Variants in PHACTR1 observed in about 807,000 individuals in gnomAD.
PHACTR1 encodes phosphatase and actin regulator 1.
Under a neutral mutation model 69.2 loss-of-function variants are expected in PHACTR1, and 16 were observed. The ratio of observed to expected loss-of-function variants is 0.23; its 90% CI spans 0.16 to 0.35. PHACTR1 has a LOEUF of 0.35. Ranked by LOEUF, PHACTR1 falls within the 10% of genes least tolerant of loss-of-function variation. PHACTR1 has a pLI of 1.00. For missense variants in PHACTR1, 510 were observed against 734.7 expected, an observed-to-expected ratio of 0.69 and a Z score of 3.54; for synonymous variants, 312 against 284.5, an observed-to-expected ratio of 1.10 and a Z score of -0.97.
At chr6:12,860,522 T>A (rs943521296) in intron 4 of PHACTR1, among the ~76,000 whole-genome samples, 4 of 152,196 alleles carry the variant, frequency 2.6e-5, no homozygotes, top group African/African-American at 9.6e-5. Context: ...AGTAATGGAA[T>A]TGCTGGGTCA....
At chr6:12,788,074 C>T (rs1286787076) in intron 4 of PHACTR1, among the ~76,000 whole-genome samples, 1 of 151,770 alleles carries the variant, frequency 6.6e-6, no homozygotes, top group African/African-American at 2.4e-5. Context: ...AGGAGGATAG[C>T]GTGAGTCTGG....
intron 6 of PHACTR1, among the ~76,000 whole-genome samples, chr6:13,172,740 C>T (rs1328031628): frequency 3.3e-5 from 5 of 152,128 alleles, no homozygotes; most frequent in African/African-American, 9.7e-5. Flanking sequence ...GAACAATAAC[C>T]ACAATAACAA....
In PHACTR1 at chr6:12,858,827, CCA is replaced by C. The variant is rs970125224; in HGVS notation, c.250+109054_250+109055del. Among the ~76,000 whole-genome samples the C allele has an allele frequency of 1.4e-4, 19 of 140,708 alleles. No homozygotes were observed. In the South Asian group the frequency reaches 1.4e-3, roughly 11 times the overall value. The allele number at this position is 140,708 out of a possible 152,430, so 92.3% of individuals were successfully genotyped here. On this transcript the variant is annotated intron_variant, in intron 4 of 14. Transcript: ENST00000332995. ...ATACATACACACACACACACACACA[CCA>C]CACACACACACACACAAAGTGCAGC...
intron 8 of PHACTR1, among the ~76,000 whole-genome samples, chr6:13,208,254 A>G (rs1346752618): frequency 6.6e-6 from 1 of 152,206 alleles, no homozygotes; most frequent in Non-Finnish European, 1.5e-5. Context: ...CCACCTTCTC[A>G]AAGGGTGGCC....
intron 4 of PHACTR1, among the ~76,000 whole-genome samples, chr6:12,878,320 A>G (rs1373715231): frequency 6.6e-6 from 1 of 152,206 alleles, no homozygotes; most frequent in Non-Finnish European, 1.5e-5. Flanking sequence ...ATAAGCTGCT[A>G]TGGATTTGAT....
In PHACTR1 at chr6:12,891,611, C is replaced by G. The variant is rs376868862; in HGVS notation, c.250+141821C>G. Among the ~76,000 whole-genome samples the G allele has an allele frequency of 2.1e-4, 32 of 152,204 alleles. No individual in the cohort carries two copies. The East Asian group carries it at 5.6e-3, about 27-fold the overall frequency. On this transcript the variant is annotated intron_variant, in intron 4 of 14. Coordinates refer to ENST00000332995, the MANE Select transcript of PHACTR1 (RefSeq NM_030948.6). ...CTCCTGTCAAAAAGCCTTTATGATC[C>G]CCCTCCTCCTCTGACCAAGTTCCAC...
At chr6:13,113,541 A>G (rs1347006697) in intron 5 of PHACTR1, among the ~76,000 whole-genome samples, 2 of 152,232 alleles carry the variant, frequency 1.3e-5, no homozygotes, top group African/African-American at 4.8e-5. Context: ...ATTATATTAC[A>G]GAATTTAACA....
At chr6:12,884,638 T>C (rs1396045120) in intron 4 of PHACTR1, among the ~76,000 whole-genome samples, 1 of 152,146 alleles carries the variant, frequency 6.6e-6, no homozygotes, top group African/African-American at 2.4e-5. Context: ...CCTGACCTCA[T>C]GGTCCGCCCG....
intron 4 of PHACTR1, among the ~76,000 whole-genome samples, chr6:12,846,723 G>C (rs75874138): frequency 6.9e-6 from 1 of 144,952 alleles, no homozygotes; most frequent in Non-Finnish European, 1.5e-5. Context: ...TGCTTCTTTC[G>C]TCCTTTTTTT....
intron 12 of PHACTR1, chr6:13,281,174 T>G: frequency 2.4e-6 from 3 of 1,243,232 alleles, no homozygotes; most frequent in Non-Finnish European, 3.1e-6. Flanking sequence ...AGATAGGACA[T>G]TAGTAAAATC....
At chr6:12,869,306 G>T (rs1262663776) in intron 4 of PHACTR1, among the ~76,000 whole-genome samples, 1 of 152,090 alleles carries the variant, frequency 6.6e-6, no homozygotes, top group Non-Finnish European at 1.5e-5. Flanking sequence ...AGCACCACCT[G>T]CCTACTAATC....
chr6:12,943,102 G>C (rs749683893), intron 4 of PHACTR1, among the ~76,000 whole-genome samples: 2 of 152,122 alleles, frequency 1.3e-5, no homozygotes, highest in Non-Finnish European at 2.9e-5. Context: ...ATAGCCAAAA[G>C]GTAGAAACAC....
chr6:12,925,141 G>A (rs1409477140), intron 4 of PHACTR1, among the ~76,000 whole-genome samples: 2 of 152,158 alleles, frequency 1.3e-5, no homozygotes, highest in Non-Finnish European at 1.5e-5. Flanking sequence ...ATATACAATC[G>A]AATATCTCAT....
intron 5 of PHACTR1, among the ~76,000 whole-genome samples, chr6:13,156,080 G>A (rs1021126376): frequency 6.6e-6 from 1 of 152,146 alleles, no homozygotes; most frequent in Non-Finnish European, 1.5e-5. Context: ...GAGAAAAAGG[G>A]AAGAGCATTA....
chr6:12,749,609 C>CTCCCTCCGTCTCCT, intron 3 of PHACTR1, 35 bp from the exon 4 acceptor site: 1 of 1,535,612 alleles, frequency 6.5e-7, no homozygotes. Flanking sequence ...CCTTCCGCCT[C>CTCCCTCCGTCTCCT]TCTCCCTCTC....
At chr6:12,823,038 C>G (rs1024485678) in intron 4 of PHACTR1, among the ~76,000 whole-genome samples, 12 of 152,182 alleles carry the variant, frequency 7.9e-5, no homozygotes, top group African/African-American at 2.2e-4. Context: ...TGTTAATAGG[C>G]ACCTTGGCTT....
intron 8 of PHACTR1, among the ~76,000 whole-genome samples, chr6:13,221,329 G>A (rs1447242438): frequency 6.6e-6 from 1 of 151,816 alleles, no homozygotes; most frequent in South Asian, 2.1e-4. Flanking sequence ...GCTGTAGAGG[G>A]TGGAGTTGAT....
In PHACTR1 at chr6:13,138,383, G is replaced by T. The variant is rs142649296; in HGVS notation, c.416-21821G>T. ...AAGCTTTCTAAAGTAAATGCTCCAA[G>T]AAAAGGGAATTTAGGGGTCTATTTT... On this transcript the variant is annotated intron_variant, in intron 5 of 14. Coordinates refer to ENST00000332995, the MANE Select transcript of PHACTR1 (RefSeq NM_030948.6). 7.4e-3 allele frequency among the ~76,000 whole-genome samples: 1,120 copies of T among 152,322 alleles called. 6 individuals carry two copies. Among genetic ancestry groups the T allele is most frequent in the Middle Eastern group, 0.034 (10 of 294 alleles).
At chr6:12,719,545 T>C (rs1761842436) in intron 3 of PHACTR1, among the ~76,000 whole-genome samples, 1 of 152,030 alleles carries the variant, frequency 6.6e-6, no homozygotes, top group Non-Finnish European at 1.5e-5. Context: ...TTCCATGAAA[T>C]GTTTAAGGTG....
Sources: allele counts gnomAD v4.1 joint callset (sites outside exome capture counted in the v4.1 genomes callset), GRCh38; gene constraint gnomAD v4.1.1; transcripts MANE v1.5; gene names NCBI Gene and HGNC (gene_info 2026-07-23, HGNC 2026-07-21).